RBFOX2: variants seen among roughly 807,000 people sequenced by gnomAD.
RBFOX2 encodes the protein RNA binding protein fox-1 homolog 2.
RBFOX2 carries 10 observed loss-of-function variants against 49.1 expected under a neutral mutation model. The observed-to-expected ratio is 0.20, with a 90% confidence interval of 0.13 to 0.35. The LOEUF (loss-of-function observed/expected upper bound fraction) is 0.35. Among genes scored for constraint, RBFOX2 ranks in the 10% least tolerant of loss-of-function variants. The probability of loss-of-function intolerance (pLI) is 1.00; values close to 1 mark genes in which losing one functional copy is unlikely to be tolerated. For missense variants in RBFOX2, 323 were observed against 486.9 expected, an observed-to-expected ratio of 0.66 and a Z score of 3.17; for synonymous variants, 183 against 187.4, an observed-to-expected ratio of 0.98 and a Z score of 0.19.
intron 1 of RBFOX2, among the ~76,000 whole-genome samples, chr22:35,930,294 TACAGGCGTGAGCC>T (rs2052232710): frequency 2.6e-5 from 4 of 151,942 alleles, no homozygotes; most frequent in Admixed American, 2.6e-4. Flanking sequence ...GTGCTGGGAT[TACAGGCGTGAGCC>T]ACTGCGCTGG....
chr22:35,840,187 C>T, intron 1 of RBFOX2: 1 of 1,614,022 alleles, frequency 6.2e-7, no homozygotes, highest in Non-Finnish European at 8.5e-7. Flanking sequence ...AAGCACAAAT[C>T]TTACCTGAGT....
chr22:35,925,345 G>A (rs1473518738), intron 1 of RBFOX2, among the ~76,000 whole-genome samples: 3 of 152,082 alleles, frequency 2.0e-5, no homozygotes, highest in Non-Finnish European at 4.4e-5. Context: ...ATAGCAAGAC[G>A]CTGTCTTTAC....
intron 4 of RBFOX2, among the ~76,000 whole-genome samples, chr22:35,774,209 T>A (rs1485071180): frequency 6.6e-6 from 1 of 152,070 alleles, no homozygotes; most frequent in Non-Finnish European, 1.5e-5. Flanking sequence ...TATTAATAAT[T>A]ATGCTAAGAT....
At chr22:36,028,468 A>C in exon 1 of RBFOX2, 3 of 1,154,908 alleles carry the variant, frequency 2.6e-6, no homozygotes, top group Non-Finnish European at 3.2e-6. Flanking sequence ...GCGACCCGCG[A>C]CAGGCCACCT....
At chr22:35,781,569 T>TA in intron 3 of RBFOX2, 31 bp downstream of exon 4, 2 of 1,601,802 alleles carry the variant, frequency 1.2e-6, no homozygotes. Flanking sequence ...ACTTTAATTG[T>TA]AAAATCCATA....
chr22:35,897,804 G>C (rs1404799255), intron 1 of RBFOX2: 1 of 750,712 alleles, frequency 1.3e-6, no homozygotes, highest in African/African-American at 1.7e-5. Context: ...ACAGCTTTAC[G>C]ATAATGGCTT....
At chr22:35,818,188 A>G (rs977448670) in intron 1 of RBFOX2, among the ~76,000 whole-genome samples, 2 of 152,170 alleles carry the variant, frequency 1.3e-5, no homozygotes, top group African/African-American at 4.8e-5. Flanking sequence ...TCTTTCCTCT[A>G]TTTCTCCTTA....
chr22:35,987,633 C>G (rs189268073), intron 1 of RBFOX2, among the ~76,000 whole-genome samples: 10 of 152,318 alleles, frequency 6.6e-5, no homozygotes, highest in Non-Finnish European at 1.5e-4. Context: ...GGGAATTAAT[C>G]TGTCAGCCTG....
intron 1 of RBFOX2, among the ~76,000 whole-genome samples, chr22:36,026,950 A>G (rs1226331595): frequency 6.6e-6 from 1 of 152,186 alleles, no homozygotes; most frequent in Non-Finnish European, 1.5e-5. Context: ...TTAGCACTGC[A>G]GAGATTTCCA....
intron 4 of RBFOX2, among the ~76,000 whole-genome samples, chr22:35,774,544 T>C (rs898424659): frequency 6.6e-6 from 1 of 152,158 alleles, no homozygotes; most frequent in Admixed American, 6.5e-5. Flanking sequence ...AAAATTCACA[T>C]GAAATAATTT....
intron 1 of RBFOX2, among the ~76,000 whole-genome samples, chr22:35,932,826 A>C (rs547652014): frequency 2.0e-5 from 3 of 152,356 alleles, no homozygotes; most frequent in Non-Finnish European, 4.4e-5. Flanking sequence ...TGTTGCAGTG[A>C]GCCAAGATTG....
At chr22:36,028,380 C>A (rs2059533167) in exon 1 of RBFOX2, 5 of 1,320,102 alleles carry the variant, frequency 3.8e-6, no homozygotes, top group Non-Finnish European at 3.9e-6. Context: ...GCGGCGGCGC[C>A]GGGCCCGAGC....
chr22:35,923,827 C>T (rs1022770117), intron 1 of RBFOX2, among the ~76,000 whole-genome samples: 5 of 151,584 alleles, frequency 3.3e-5, no homozygotes, highest in African/African-American at 1.2e-4. Flanking sequence ...CTATACAGGA[C>T]TATAGATACA....
At chr22:36,018,125 C>A (rs937263787) in intron 1 of RBFOX2, among the ~76,000 whole-genome samples, 1 of 152,210 alleles carries the variant, frequency 6.6e-6, no homozygotes, top group African/African-American at 2.4e-5. Flanking sequence ...TGGACAGTTT[C>A]TTGACTACTT....
chr22:35,998,244 T>G (rs1463021543), intron 1 of RBFOX2: 1 of 152,152 alleles, frequency 6.6e-6, no homozygotes, highest in East Asian at 1.9e-4. Flanking sequence ...CACCATCAAC[T>G]TACCTTATTT....
At chr22:36,028,485 G>A in exon 1 of RBFOX2, 2 of 1,117,256 alleles carry the variant, frequency 1.8e-6, no homozygotes, top group African/African-American at 3.3e-5. Context: ...ACCTCCCCCT[G>A]GGCCTCGGCC....
At chr22:35,819,090 G>A (rs1367932714) in intron 1 of RBFOX2, among the ~76,000 whole-genome samples, 1 of 152,166 alleles carries the variant, frequency 6.6e-6, no homozygotes, top group Non-Finnish European at 1.5e-5. Flanking sequence ...ACCAGGGACT[G>A]AATCATAAAC....
chr22:36,010,950 C>T (rs1391810460), intron 1 of RBFOX2, among the ~76,000 whole-genome samples: 5 of 152,096 alleles, frequency 3.3e-5, no homozygotes, highest in African/African-American at 9.7e-5. Flanking sequence ...GATGGAACAC[C>T]TATTAGAAAC....
intron 1 of RBFOX2, among the ~76,000 whole-genome samples, chr22:35,974,287 T>C (rs2150026474): frequency 6.6e-6 from 1 of 152,326 alleles, no homozygotes; most frequent in African/African-American, 2.4e-5. Context: ...AAAGGAGTTT[T>C]TAGATTTTCT....
Sources: allele counts gnomAD v4.1 joint callset (sites outside exome capture counted in the v4.1 genomes callset), GRCh38; gene constraint gnomAD v4.1.1; transcripts MANE v1.5; gene names NCBI Gene and HGNC (gene_info 2026-07-23, HGNC 2026-07-21).